The following FRMD3 variants were observed in gnomAD, a reference collection of about 807,000 sequenced individuals.
FRMD3 encodes the protein FERM domain containing 3.
FRMD3 carries 33 observed loss-of-function variants against 70.2 expected under a neutral mutation model. The ratio of observed to expected loss-of-function variants is 0.47; its 90% confidence interval spans 0.36 to 0.63. FRMD3 has a LOEUF of 0.63. Ranked by LOEUF, FRMD3 falls within the 20% of genes least tolerant of loss-of-function variation. The pLI is 0.00. For missense variants in FRMD3, 632 were observed against 711.4 expected (o/e 0.89, Z 1.27); for synonymous variants, 279 against 255.9 (o/e 1.09, Z -0.86).
At chr9:83,513,772 T>C (rs1366437660) in intron 1 of FRMD3, among the ~76,000 whole-genome samples, 1 of 152,048 alleles carries the variant, frequency 6.6e-6, no homozygotes, top group East Asian at 1.9e-4. Flanking sequence ...CCAGTTCATC[T>C]CATTGGAACT....
intron 3 of FRMD3, 69 bp from the exon 4 acceptor site, chr9:83,349,826 A>G: frequency 8.4e-7 from 1 of 1,193,848 alleles, no homozygotes; most frequent in South Asian, 1.3e-5. Context: ...CACACGGGAA[A>G]GGCAGCCGTG....
the FRMD3 span, among the ~76,000 whole-genome samples, chr9:83,570,178 G>A: frequency 1.3e-5 from 2 of 152,168 alleles, no homozygotes; most frequent in African/African-American, 4.8e-5. Flanking sequence ...TCTAGGCACT[G>A]GGACAACAGC....
At chr9:83,360,192 C>T (rs1824537383) in intron 3 of FRMD3, among the ~76,000 whole-genome samples, 1 of 152,152 alleles carries the variant, frequency 6.6e-6, no homozygotes, top group African/African-American at 2.4e-5. Context: ...GGCAAGAGAC[C>T]CAGGAACCTG....
At chr9:83,452,168 T>C (rs1438294015) in intron 1 of FRMD3, among the ~76,000 whole-genome samples, 2 of 152,192 alleles carry the variant, frequency 1.3e-5, no homozygotes, top group African/African-American at 2.4e-5. Context: ...ACTCAATCTT[T>C]GATGCGGTAG....
At chr9:83,477,687 G>C (rs370368796) in intron 1 of FRMD3, among the ~76,000 whole-genome samples, 1 of 152,154 alleles carries the variant, frequency 6.6e-6, no homozygotes, top group African/African-American at 2.4e-5. Flanking sequence ...GAGAGGAAGA[G>C]TATTCTGTCT....
chr9:83,318,719 C>A (rs1221816366), intron 6 of FRMD3, among the ~76,000 whole-genome samples: 4 of 152,174 alleles, frequency 2.6e-5, no homozygotes, highest in African/African-American at 7.2e-5. Flanking sequence ...TTTAAGAAAT[C>A]TCCACACTGT....
intron 1 of FRMD3, among the ~76,000 whole-genome samples, chr9:83,535,902 G>C (rs1368619127): frequency 1.3e-5 from 2 of 152,196 alleles, no homozygotes; most frequent in South Asian, 2.1e-4. Context: ...ACAAGTGCCA[G>C]TAATTCCAAA....
intron 1 of FRMD3, among the ~76,000 whole-genome samples, chr9:83,472,999 C>T (rs914543386): frequency 2.6e-5 from 4 of 152,090 alleles, no homozygotes; most frequent in East Asian, 1.9e-4. Flanking sequence ...AGGATTGTGG[C>T]GAAACCTCCC....
intron 6 of FRMD3, among the ~76,000 whole-genome samples, chr9:83,321,935 C>T (rs1008593681): frequency 6.6e-6 from 1 of 152,156 alleles, no homozygotes; most frequent in Admixed American, 6.5e-5. Context: ...CTCACAGCAG[C>T]CCCTAGCAGA....
At chr9:83,281,533 G>C (rs1236387719) in intron 13 of FRMD3, 5 of 152,072 alleles carry the variant, frequency 3.3e-5, no homozygotes, top group East Asian at 1.9e-4. Context: ...TATTAAGTGG[G>C]GTAGCAAAAT....
At chr9:83,378,688 A>C (rs1162543632) in intron 2 of FRMD3, among the ~76,000 whole-genome samples, 2 of 95,534 alleles carry the variant, frequency 2.1e-5, no homozygotes, top group Non-Finnish European at 4.3e-5. Flanking sequence ...TATATAATTT[A>C]TATATTATAT....
chr9:83,368,519 T>A (rs759030559), intron 3 of FRMD3, among the ~76,000 whole-genome samples: 3 of 152,076 alleles, frequency 2.0e-5, no homozygotes, highest in Non-Finnish European at 4.4e-5. Context: ...TCTTCTAAGT[T>A]CAGAGGAGAA....
intron 1 of FRMD3, among the ~76,000 whole-genome samples, chr9:83,533,556 G>T (rs373230733): frequency 1.3e-5 from 2 of 152,122 alleles, no homozygotes; most frequent in Non-Finnish European, 2.9e-5. Flanking sequence ...TCTGATTCCC[G>T]ATCTAATGCT....
chr9:83,580,728 G>A, the FRMD3 span, among the ~76,000 whole-genome samples: 2 of 151,974 alleles, frequency 1.3e-5, no homozygotes, highest in Non-Finnish European at 2.9e-5. Context: ...AGTCAATAAC[G>A]TATACTTCAA....
chr9:83,499,189 G>A (rs1044258623), intron 1 of FRMD3, among the ~76,000 whole-genome samples: 13 of 152,158 alleles, frequency 8.5e-5, no homozygotes, highest in African/African-American at 3.1e-4. Context: ...GTGCAGTACT[G>A]TCCAAAATGA....
intron 1 of FRMD3, among the ~76,000 whole-genome samples, chr9:83,520,217 T>C (rs528853785): frequency 6.6e-6 from 1 of 152,148 alleles, no homozygotes; most frequent in Non-Finnish European, 1.5e-5. Context: ...GGCTAATTCC[T>C]TCCCCCCCTG....
chr9:83,501,571 A>T (rs1311417354), intron 1 of FRMD3, among the ~76,000 whole-genome samples: 3 of 152,236 alleles, frequency 2.0e-5, no homozygotes, highest in African/African-American at 7.2e-5. Context: ...CATTTTTCCC[A>T]CACAAAAATG....
intron 3 of FRMD3, among the ~76,000 whole-genome samples, chr9:83,363,553 C>CT (rs34789292): frequency 0.24 from 27,163 of 112,996 alleles, 4,752 homozygotes; most frequent in Non-Finnish European, 0.29. Context: ...GAGACATAGG[C>CT]TTTTTTTTTT....
chr9:83,576,925 C>T, the FRMD3 span, among the ~76,000 whole-genome samples: 1 of 152,082 alleles, frequency 6.6e-6, no homozygotes, highest in South Asian at 2.1e-4. Flanking sequence ...ACAAAATATG[C>T]ACTATCGATT....
Sources: allele counts gnomAD v4.1 joint callset (sites outside exome capture counted in the v4.1 genomes callset), GRCh38; gene constraint gnomAD v4.1.1; transcripts MANE v1.5; gene names NCBI Gene and HGNC (gene_info 2026-07-23, HGNC 2026-07-21).